The following ENTPD4 variants were observed in gnomAD, a reference collection of about 807,000 sequenced individuals.
ENTPD4 encodes ectonucleoside triphosphate diphosphohydrolase 4, also known as Golgi UDPase.
In ENTPD4, 60 loss-of-function variants were observed where a neutral mutation model predicts 79.1. That is an observed-to-expected ratio of 0.76 (90% CI 0.62 to 0.94). The LOEUF is 0.94. ENTPD4 is among the 40% of genes least tolerant of loss of function. The probability of loss-of-function intolerance (pLI) is 0.00; values close to 1 mark genes in which losing one functional copy is unlikely to be tolerated. For synonymous variants in ENTPD4, 276 were observed against 292.0 expected (o/e 0.95, Z 0.56); for missense variants, 772 against 775.1 (o/e 1.00, Z 0.05).
Position 23,443,875 on chromosome 8 carries a change from T to G in ENTPD4, c.642A>C (p.Ala214=). The G allele has an allele frequency of 6.2e-7, 1 of 1,613,350 alleles. No homozygotes were observed. Among genetic ancestry groups the G allele is most frequent in the Non-Finnish European group, 8.5e-7 (1 of 1,179,320 alleles). Residue 214 remains alanine, a synonymous_variant, in exon 6 of 13, where the codon GCA becomes GCC. Transcript: ENST00000358689. ...CTTCTTGTTTCCCAGAAATTACTTC[T>G]GCATGAGAGTCAGAAAACAGAAAGT... ...HFDFLFSDSH[A]EVISGKQEGV...
rs146228583 is a variant in ENTPD4 at position 23,446,221 on chromosome 8, G to T, written c.412+1459C>A. 4.7e-3 allele frequency among the ~76,000 whole-genome samples: 709 copies of T among 152,296 alleles called. 4 individuals are homozygous for T. The highest frequency in any genetic ancestry group is 0.016 in the African/African-American group (681 of 41,560). ...CCAATGTTAAGCCTGATTTTAATGAGATTCTAATGTATACTCTAGGATGAT... is the reference window on the plus strand; with the variant it reads ...CCAATGTTAAGCCTGATTTTAATGATATTCTAATGTATACTCTAGGATGAT... On this transcript the variant is annotated intron_variant, in intron 4 of 12. Transcript: ENST00000358689.
At chr8:23,435,117 T>C (rs995412082) in intron 11 of ENTPD4, among the ~76,000 whole-genome samples, 5 of 152,232 alleles carry the variant, frequency 3.3e-5, no homozygotes, top group Non-Finnish European at 7.3e-5. Context: ...AGGGACAGCC[T>C]CTGGCTGGAC....
At chr8:23,441,803 T>C (rs1358921535) in intron 7 of ENTPD4, 80 bp from the exon 8 acceptor site, 1 of 1,502,206 alleles carries the variant, frequency 6.7e-7, no homozygotes, top group East Asian at 2.3e-5. Context: ...CTTCTTTTCA[T>C]GGTCTATTTC....
intron 10 of ENTPD4, among the ~76,000 whole-genome samples, chr8:23,436,707 C>T (rs1312921408): frequency 1.3e-5 from 2 of 152,144 alleles, no homozygotes; most frequent in Non-Finnish European, 2.9e-5. Context: ...TAACTGATGA[C>T]CAGGGTAGCT....
At chr8:23,446,531 G>A (rs994530110) in intron 4 of ENTPD4, among the ~76,000 whole-genome samples, 5 of 152,200 alleles carry the variant, frequency 3.3e-5, no homozygotes, top group African/African-American at 4.8e-5. Flanking sequence ...TCATGGAAAT[G>A]TACTCTGATA....
At chr8:23,433,802 CA>C (rs1313561452) in intron 12 of ENTPD4, among the ~76,000 whole-genome samples, 1 of 152,182 alleles carries the variant, frequency 6.6e-6, no homozygotes, top group Non-Finnish European at 1.5e-5. Flanking sequence ...CTCAAAATAT[CA>C]TTGACGCTCA....
At chr8:23,436,887 C>T in intron 10 of ENTPD4, 47 bp downstream of exon 10, 1 of 1,428,862 alleles carries the variant, frequency 7.0e-7, no homozygotes, top group Non-Finnish European at 9.5e-7. Context: ...ACCGTCCACA[C>T]TGGTCTCTCA....
chr8:23,454,615 G>A (rs1350214861), intron 1 of ENTPD4, among the ~76,000 whole-genome samples: 1 of 152,184 alleles, frequency 6.6e-6, no homozygotes, highest in Non-Finnish European at 1.5e-5. Flanking sequence ...AATTCTAGAT[G>A]GGGTGAGAAA....
At chr8:23,455,055 G>C (rs895099057) in intron 1 of ENTPD4, among the ~76,000 whole-genome samples, 11 of 152,216 alleles carry the variant, frequency 7.2e-5, no homozygotes, top group African/African-American at 2.7e-4. Context: ...ATTTCAGCTA[G>C]TGGGGCCCTA....
chr8:23,450,604 C>T (rs1177471242), intron 1 of ENTPD4, among the ~76,000 whole-genome samples: 3 of 152,208 alleles, frequency 2.0e-5, no homozygotes, highest in East Asian at 3.8e-4. Flanking sequence ...GCTGTCTCGT[C>T]TGGTCTGCTT....
rs1250515303 is a variant in ENTPD4 at position 23,431,924 on chromosome 8, T to C, written c.*1002A>G. 2.0e-6 allele frequency: 2 copies of C among 985,298 alleles called. No homozygotes were observed. The highest frequency in any genetic ancestry group is 4.7e-5 in the South Asian group (1 of 21,290). 61.0% of individuals were successfully genotyped at this position (985,298 alleles called of 1,614,324 possible). On this transcript the variant is annotated 3_prime_UTR_variant, in exon 13 of 13. Coordinates refer to ENST00000358689, the MANE Select transcript of ENTPD4 (RefSeq NM_004901.5). ...GGAAAAGATAACAGTAACGAGGATT[T>C]TTCTAAATAAAATGTACCAGTAAAT...
rs146692354 is a variant in ENTPD4, at chr8:23,448,937, A to G, written c.11T>C (p.Ile4Thr). Reference sequence around the variant, plus strand: ...AGCAGGAAAAAGACAGGAGATGCCAATCCTGAAATTAGAAGGAAAAAGATT... The same window carrying G: ...AGCAGGAAAAAGACAGGAGATGCCAGTCCTGAAATTAGAAGGAAAAAGATT... The part of the protein sequence containing the change: MGR[I>T]GISCLFPASW... Residue 4 changes from isoleucine to threonine, a missense_variant and splice_region_variant, in exon 3 of 13, where the codon ATT (isoleucine) becomes ACT (threonine). Coordinates refer to ENST00000358689, the MANE Select transcript of ENTPD4 (RefSeq NM_004901.5). 12 of 1,611,884 alleles carry G rather than the reference A, an allele frequency of 7.4e-6. No homozygotes were observed. Among genetic ancestry groups the G allele is most frequent in the Middle Eastern group, 1.6e-4 (1 of 6,078 alleles).
At chr8:23,433,660 GCTGA>G (rs1563221365) in intron 12 of ENTPD4, among the ~76,000 whole-genome samples, 1 of 152,174 alleles carries the variant, frequency 6.6e-6, no homozygotes, top group Non-Finnish European at 1.5e-5. Context: ...CTACCCAAGC[GCTGA>G]CTGAGATGTA....
rs532316228 is a variant in ENTPD4 at position 23,441,632 on chromosome 8, G to A, written c.819C>T (p.Gly273=). Residue 273 remains glycine, a synonymous_variant, in exon 8 of 13, where the codon GGC becomes GGT. Coordinates refer to ENST00000358689, the MANE Select transcript of ENTPD4 (RefSeq NM_004901.5). The stretch of plus-strand genomic sequence containing the variant: ...CGTACGCTATCTGAGTCGACACGCC[G>A]CCCATGTCGAGAATGCCCGCTGTCC... ...RKRTAGILDM[G]GVSTQIAYEV... 47 of 1,613,976 alleles carry A rather than the reference G, an allele frequency of 2.9e-5. No individual in the cohort carries two copies. Among genetic ancestry groups the A allele is most frequent in the African/African-American group, 6.7e-5 (5 of 74,902 alleles).
rs1381564429 is a variant in ENTPD4 at position 23,448,917 on chromosome 8, G to A, written c.31C>T (p.Pro11Ser). Residue 11 changes from proline to serine, a missense_variant, in exon 3 of 13, where the codon CCT becomes TCT. Physicochemically the swap from Pro to Ser is moderately conservative, Grantham distance 74. Coordinates refer to ENST00000358689, the MANE Select transcript of ENTPD4 (RefSeq NM_004901.5). MGRIGISCLF[P>S]ASWHFSISPV... The stretch of plus-strand genomic sequence containing the variant: ...GATATGCTAAAATGCCAAGAAGCAG[G>A]AAAAAGACAGGAGATGCCAATCCTG... 1.2e-6 allele frequency: 2 copies of A among 1,613,336 alleles called. No homozygotes were observed. The highest frequency in any genetic ancestry group is 2.7e-5 in the African/African-American group (2 of 74,854).
intron 4 of ENTPD4, among the ~76,000 whole-genome samples, chr8:23,447,255 G>A (rs1800778306): frequency 6.6e-6 from 1 of 152,162 alleles, no homozygotes; most frequent in Non-Finnish European, 1.5e-5. Flanking sequence ...TAATCTAGAT[G>A]ACTAGAACTA....
At position 23,429,472 on chromosome 8, in the gene ENTPD4, T is replaced by C. The variant is rs1314522945; in HGVS notation, c.*3454A>G. 3.0e-6 allele frequency: 3 copies of C among 985,202 alleles called. No individual in the cohort carries two copies. The African/African-American group carries it at 5.2e-5, about 17-fold the overall frequency. 61.0% of individuals were successfully genotyped at this position (985,202 alleles called of 1,614,324 possible). A position where few individuals can be genotyped will look rare whatever the true frequency, so the allele number is the denominator to read the frequency against. ...TGAAATAAATAACTAAGTAATTTACTGAAAGGTAGTTTTGTTGCATTGCAC... is the reference window on the plus strand; with the variant it reads ...TGAAATAAATAACTAAGTAATTTACCGAAAGGTAGTTTTGTTGCATTGCAC... On this transcript the variant is annotated 3_prime_UTR_variant, in exon 13 of 13. Transcript: ENST00000358689.
chr8:23,434,583 A>C (rs1402857199), intron 11 of ENTPD4, 105 bp from the exon 12 acceptor site: 19 of 1,534,454 alleles, frequency 1.2e-5, no homozygotes, highest in Non-Finnish European at 1.5e-5. Flanking sequence ...GCCTTGGGGC[A>C]GGGGCTTCCT....
intron 8 of ENTPD4, 159 bp from the exon 9 acceptor site, chr8:23,440,074 A>G: frequency 1.7e-6 from 1 of 575,166 alleles, no homozygotes; most frequent in East Asian, 2.9e-5. Flanking sequence ...CAATATGACA[A>G]TTCTGATTTA....
Sources: allele counts gnomAD v4.1 joint callset (sites outside exome capture counted in the v4.1 genomes callset), GRCh38; gene constraint gnomAD v4.1.1; transcripts MANE v1.5; gene names NCBI Gene and HGNC (gene_info 2026-07-23, HGNC 2026-07-21).